Variants in ZNF808 observed in about 807,000 individuals in gnomAD.
The protein encoded by ZNF808 is zinc finger protein 808.
In ZNF808, 5 loss-of-function variants were observed where a neutral mutation model predicts 8.7. That is an observed-to-expected ratio of 0.58 (90% confidence interval 0.30 to 1.21). The LOEUF is 1.21. Ranked by LOEUF, ZNF808 falls within the 50% of genes most tolerant of loss-of-function variation. The pLI is 0.07. For missense variants in ZNF808, 1,103 were observed against 1,098.4 expected, an observed-to-expected ratio of 1.00 and a Z score of -0.06; for synonymous variants, 380 against 366.0, an observed-to-expected ratio of 1.04 and a Z score of -0.44.
chr19:52,538,367 A>G (rs1160137198), intron 2 of ZNF808, among the ~76,000 whole-genome samples: 3 of 151,794 alleles, frequency 2.0e-5, no homozygotes, highest in Admixed American at 2.0e-4. Flanking sequence ...TTTGAGGTGG[A>G]GTTTCACTCC....
In ZNF808 at chr19:52,555,108, G is replaced by C; in HGVS notation, c.2192G>C (p.Gly731Ala). Reference protein sequence around the residue: ...SLVCHRRIHSGEKPYKCSECS... With the variant: ...SLVCHRRIHSAEKPYKCSECS... ...GTATGCCATCGTAGAATTCATAGTGGTGAGAAACCTTACAAGTGTAGTGAG... is the reference window on the plus strand; with the variant it reads ...GTATGCCATCGTAGAATTCATAGTGCTGAGAAACCTTACAAGTGTAGTGAG... Residue 731 changes from glycine to alanine, a missense_variant, in exon 5 of 5, where the codon GGT (glycine) becomes GCT (alanine). Gly to Ala is a moderately conservative substitution (Grantham distance 60). Transcript: ENST00000359798. 1 of 1,614,120 alleles carries C rather than the reference G, an allele frequency of 6.2e-7. No individual in the cohort carries two copies. Among genetic ancestry groups the C allele is most frequent in the Non-Finnish European group, 8.5e-7 (1 of 1,180,020 alleles).
chr19:52,537,849 A>G (rs1342402146), intron 2 of ZNF808, among the ~76,000 whole-genome samples: 4 of 152,268 alleles, frequency 2.6e-5, no homozygotes, highest in African/African-American at 9.6e-5. Flanking sequence ...TCTGTGAGCC[A>G]TGTATGTTCT....
chr19:52,546,054 G>C (rs1364611971), intron 3 of ZNF808, among the ~76,000 whole-genome samples: 2,841 of 101,946 alleles, frequency 0.028, no homozygotes, highest in African/African-American at 0.042. Flanking sequence ...ATGCACTTGT[G>C]TCCAAGTACA....
Position 52,529,911 on chromosome 19 carries a change from A to AT in ZNF808, c.-122+2212dup, listed in dbSNP as rs201852253. Among the ~76,000 whole-genome samples the AT allele has an allele frequency of 2.9e-3, 237 of 81,918 alleles. 1 individual carries two copies. Among genetic ancestry groups the AT allele is most frequent in the East Asian group, 7.0e-3 (13 of 1,858 alleles). 53.7% of individuals were successfully genotyped at this position (81,918 alleles called of 152,430 possible). ...AGTTTACATATATATATATATATAT[A>AT]TTTTTTTTTTTTGTAGAAACGTGGT... is the stretch of plus-strand genomic sequence containing the variant. On this transcript the variant is annotated intron_variant, in intron 1 of 4. Transcript: ENST00000359798.
chr19:52,566,947 A>G (rs1033209434), downstream of ZNF808, among the ~76,000 whole-genome samples: 3 of 138,572 alleles, frequency 2.2e-5, no homozygotes, highest in African/African-American at 7.9e-5. Flanking sequence ...CTAAAATACC[A>G]AGGATAGGTG....
Position 52,537,215 on chromosome 19 carries a change from G to C in ZNF808, c.-20+4206G>C, listed in dbSNP as rs10411461. 3.7e-3 allele frequency among the ~76,000 whole-genome samples: 566 copies of C among 151,728 alleles called. 1 individual carries two copies. Among genetic ancestry groups the C allele is most frequent in the African/African-American group, 0.013 (540 of 41,294 alleles). On this transcript the variant is annotated intron_variant, in intron 2 of 4. Transcript: ENST00000359798. ...AAAAAAGCGGTTAAATAAGTTGTGA[G>C]GATGGAGCAGAAGAGGTGGAAGAGG...
intron 1 of ZNF808, among the ~76,000 whole-genome samples, chr19:52,529,705 A>G (rs1229109716): frequency 2.0e-5 from 3 of 152,034 alleles, no homozygotes; most frequent in Non-Finnish European, 2.9e-5. Flanking sequence ...CTGTTATTAC[A>G]TAATACTTTT....
intron 3 of ZNF808, among the ~76,000 whole-genome samples, chr19:52,545,508 G>A (rs909902020): frequency 2.6e-5 from 4 of 152,192 alleles, no homozygotes; most frequent in Non-Finnish European, 4.4e-5. Flanking sequence ...GGCCGGGCCC[G>A]GTTGCTCACA....
chr19:52,533,868 G>T (rs113642090), intron 2 of ZNF808, among the ~76,000 whole-genome samples: 8 of 73,032 alleles, frequency 1.1e-4, no homozygotes, highest in African/African-American at 3.6e-4. Context: ...AAAAAAAAAA[G>T]GCAAGCAACA....
chr19:52,561,155 C>CTG (rs1195526225), downstream of ZNF808, among the ~76,000 whole-genome samples: 7 of 130,972 alleles, frequency 5.3e-5, 1 homozygote, highest in African/African-American at 2.1e-4. Context: ...GTACTTCTAT[C>CTG]TGTTCTCTCT....
Position 52,554,608 on chromosome 19 carries a change from G to T in ZNF808, c.1692G>T (p.Lys564Asn). The T allele has an allele frequency of 6.2e-7, 1 of 1,613,808 alleles. No individual in the cohort carries two copies. The highest frequency in any genetic ancestry group is 8.5e-7 in the Non-Finnish European group (1 of 1,179,868). Residue 564 changes from lysine (K) to asparagine (N), a missense_variant, in exon 5 of 5, where the codon AAG (lysine) becomes AAT (asparagine). Lys to Asn is a moderately conservative substitution (Grantham distance 94, BLOSUM62 0). Transcript: ENST00000359798. The part of the protein sequence containing the change: ...LAVHTRIHTA[K>N]KPYKCNECGK... ...TACATACTAGAATTCACACTGCAAA[G>T]AAACCTTACAAGTGTAATGAATGTG...
Position 52,555,678 on chromosome 19 carries a change from A to G in ZNF808, c.*50A>G. On this transcript the variant is annotated 3_prime_UTR_variant, in exon 5 of 5. Coordinates refer to ENST00000359798, the MANE Select transcript of ZNF808 (RefSeq NM_001039886.4). ...AGTAACACTACAACAATTGCAAATC[A>G]TTGGAGAATCCATGATGAAGAGAAA... 1.9e-6 allele frequency: 3 copies of G among 1,567,148 alleles called. No homozygotes were observed. The highest frequency in any genetic ancestry group is 2.6e-6 in the Non-Finnish European group (3 of 1,158,490).
chr19:52,555,709 T>C lies in ZNF808; in HGVS notation c.*81T>C. ...GAATCCATGATGAAGAGAAATCTTC[T>C]GAGTGTAATAAATGTGGCATGTTTT... On this transcript the variant is annotated 3_prime_UTR_variant, in exon 5 of 5. Coordinates refer to ENST00000359798, the MANE Select transcript of ZNF808 (RefSeq NM_001039886.4). 1 of 1,537,558 alleles carries C rather than the reference T, an allele frequency of 6.5e-7. No individual in the cohort carries two copies. Among genetic ancestry groups the C allele is most frequent in the Non-Finnish European group, 8.8e-7 (1 of 1,136,312 alleles).
At chr19:52,558,501 A>G (rs1004589189), downstream of ZNF808, among the ~76,000 whole-genome samples, 2 of 152,110 alleles carry the variant, frequency 1.3e-5, no homozygotes, top group African/African-American at 4.8e-5. Context: ...CCTCCCGAGT[A>G]GCTGGGACTA....
chr19:52,548,553 G>A (rs1324156523), intron 4 of ZNF808, among the ~76,000 whole-genome samples: 1 of 152,080 alleles, frequency 6.6e-6, no homozygotes, highest in Admixed American at 6.6e-5. Flanking sequence ...CTCTTGAGTG[G>A]CTGGGATTAC....
chr19:52,566,156 T>C (rs891600772), downstream of ZNF808, among the ~76,000 whole-genome samples: 10 of 152,040 alleles, frequency 6.6e-5, no homozygotes, highest in Admixed American at 6.6e-4. Flanking sequence ...TATATATATA[T>C]ATATAGTTTG....
downstream of ZNF808, among the ~76,000 whole-genome samples, chr19:52,565,265 CA>C (rs2059870341): frequency 6.6e-6 from 1 of 151,904 alleles, no homozygotes; most frequent in Non-Finnish European, 1.5e-5. Flanking sequence ...GCAACAAGAG[CA>C]AAACTCCATC....
At chr19:52,560,253 G>A (rs80223749), downstream of ZNF808, among the ~76,000 whole-genome samples, 3,988 of 151,940 alleles carry the variant, frequency 0.026, 133 homozygotes, top group East Asian at 0.14. Flanking sequence ...TTGAACCTGG[G>A]TGGAAGAAGT....
chr19:52,542,772 C>T (rs2059684063), intron 2 of ZNF808, among the ~76,000 whole-genome samples: 1 of 151,654 alleles, frequency 6.6e-6, no homozygotes, highest in South Asian at 2.1e-4. Flanking sequence ...GCTTTTAGGT[C>T]ACAGAGAAAT....
Sources: allele counts gnomAD v4.1 joint callset (sites outside exome capture counted in the v4.1 genomes callset), GRCh38; gene constraint gnomAD v4.1.1; transcripts MANE v1.5; gene names NCBI Gene and HGNC (gene_info 2026-07-23, HGNC 2026-07-21).